KIRREL3: variants seen among roughly 807,000 people sequenced by gnomAD.
KIRREL3 encodes kin of IRRE-like protein 3.
A neutral mutation model predicts 89.7 loss-of-function variants in KIRREL3; 36 were observed. That is an observed-to-expected ratio of 0.40 (90% confidence interval 0.31 to 0.53). The LOEUF is 0.53. Among genes scored for constraint, KIRREL3 ranks in the 20% least tolerant of loss-of-function variants. The pLI is 0.49. For missense variants in KIRREL3, 864 were observed against 1,056.6 expected, an observed-to-expected ratio of 0.82 and a Z score of 2.53; for synonymous variants, 445 against 441.4, an observed-to-expected ratio of 1.01 and a Z score of -0.10.
rs769633889 is a variant in KIRREL3 at position 126,954,409 on chromosome 11, G to T, written c.55+46046C>A. 6.6e-6 allele frequency among the ~76,000 whole-genome samples: 1 copy of T among 151,970 alleles called. No homozygotes were observed. Among genetic ancestry groups the T allele is most frequent in the Non-Finnish European group, 1.5e-5 (1 of 68,018 alleles). On this transcript the variant is annotated intron_variant, in intron 1 of 16. Coordinates refer to ENST00000525144, the MANE Select transcript of KIRREL3 (RefSeq NM_032531.4). This position sits in a 1 kb window ranked among gnomAD's most constrained non-coding sequence, Gnocchi z 4.1. ...TTTATTGATTTACTTAATATTCATT[G>T]CTGATAACATGAAGGATCTGTAAAT... is the stretch of plus-strand genomic sequence containing the variant.
intron 1 of KIRREL3, among the ~76,000 whole-genome samples, chr11:126,701,638 C>T (rs1480817504): frequency 6.6e-6 from 1 of 151,960 alleles, no homozygotes; most frequent in Non-Finnish European, 1.5e-5. Context: ...GAGCAGAGGC[C>T]CACAGAGCTC....
chr11:126,644,113 G>A (rs149507834), intron 1 of KIRREL3, among the ~76,000 whole-genome samples: 5 of 152,182 alleles, frequency 3.3e-5, no homozygotes, highest in Non-Finnish European at 7.3e-5. Context: ...TGTGGGAAAG[G>A]ATGTCATTGA....
intron 4 of KIRREL3, among the ~76,000 whole-genome samples, chr11:126,482,228 G>A (rs543976211): frequency 2.6e-5 from 4 of 152,246 alleles, no homozygotes; most frequent in Admixed American, 2.0e-4. Context: ...TAGTAGAGAT[G>A]GAGTTTCACC....
upstream of KIRREL3, chr11:127,003,225 C>T (rs1950346057): frequency 6.6e-6 from 1 of 152,322 alleles, no homozygotes; most frequent in Admixed American, 6.5e-5. Flanking sequence ...CTTCAGCAGC[C>T]ACCACGTGGG....
At chr11:126,546,497 C>T (rs1344735320) in intron 2 of KIRREL3, among the ~76,000 whole-genome samples, 1 of 152,234 alleles carries the variant, frequency 6.6e-6, no homozygotes, top group East Asian at 1.9e-4. Flanking sequence ...CTGACCTCCC[C>T]AGCACAACCT....
rs1355092533 is a variant in KIRREL3, at chr11:126,981,610, C to A, written c.55+18845G>T. Among the ~76,000 whole-genome samples, 2 of 152,210 alleles carry A rather than the reference C, an allele frequency of 1.3e-5. No individual in the cohort carries two copies. Among genetic ancestry groups the A allele is most frequent in the African/African-American group, 4.8e-5 (2 of 41,446 alleles). On this transcript the variant is annotated intron_variant, in intron 1 of 16. Coordinates refer to ENST00000525144, the MANE Select transcript of KIRREL3 (RefSeq NM_032531.4). This position sits in a 1 kb window ranked among gnomAD's most constrained non-coding sequence, Gnocchi z 4.2. ...TTCTTAATCTGAGAAGACATCTTGC[C>A]TTTTATGGCACTGTTAAAACCACAC...
rs1340848904 is a variant in KIRREL3, at chr11:126,978,450, G to C, written c.55+22005C>G. Among the ~76,000 whole-genome samples the C allele has an allele frequency of 1.3e-5, 2 of 152,120 alleles. No homozygotes were observed. Among genetic ancestry groups the C allele is most frequent in the Non-Finnish European group, 2.9e-5 (2 of 68,024 alleles). On this transcript the variant is annotated intron_variant, in intron 1 of 16. Coordinates refer to ENST00000525144, the MANE Select transcript of KIRREL3 (RefSeq NM_032531.4). The surrounding 1 kb of genome is among the most constrained non-coding windows in gnomAD (Gnocchi z 4.2). The stretch of plus-strand genomic sequence containing the variant: ...ATTATGTCCTAAAGGAAAGTCCCCT[G>C]GTAACCTCAAACAGGTTGCTCCCTC...
intron 1 of KIRREL3, among the ~76,000 whole-genome samples, chr11:126,573,861 G>T (rs937181300): frequency 6.6e-6 from 1 of 152,134 alleles, no homozygotes; most frequent in South Asian, 2.1e-4. Flanking sequence ...TCCGCGGGGG[G>T]ACCTCTTGCT....
chr11:126,739,917 T>A lies in KIRREL3; in HGVS notation c.56-177005A>T, dbSNP rs1948923514. ...ACTTTGATCAGTTTGACGGGTTTAG[T>A]ATTATAGAAATATTTCATTGTTTCA... On this transcript the variant is annotated intron_variant, in intron 1 of 16. Transcript: ENST00000525144. The surrounding 1 kb of genome is among the most constrained non-coding windows in gnomAD (Gnocchi z 5.5). Among the ~76,000 whole-genome samples, 1 of 152,202 alleles carries A rather than the reference T, an allele frequency of 6.6e-6. No homozygotes were observed. Among genetic ancestry groups the A allele is most frequent in the African/African-American group, 2.4e-5 (1 of 41,434 alleles).
chr11:126,531,783 C>T lies in KIRREL3; in HGVS notation c.134-5096G>A, dbSNP rs999230394. 6.6e-6 allele frequency among the ~76,000 whole-genome samples: 1 copy of T among 152,162 alleles called. No homozygotes were observed. Among genetic ancestry groups the T allele is most frequent in the Non-Finnish European group, 1.5e-5 (1 of 68,042 alleles). ...ACAGAAATAAGGAAGAAACAGTGTA[C>T]ACTTCTTGAGGGCAGGGGCCACAGC... On this transcript the variant is annotated intron_variant, in intron 2 of 16. Transcript: ENST00000525144. This position sits in a 1 kb window ranked among gnomAD's most constrained non-coding sequence, Gnocchi z 4.7.
At position 126,643,996 on chromosome 11, in the gene KIRREL3, C is replaced by A. The variant is rs887882170; in HGVS notation, c.56-81084G>T. 2.6e-5 allele frequency among the ~76,000 whole-genome samples: 4 copies of A among 152,174 alleles called. No individual in the cohort carries two copies. Among genetic ancestry groups the A allele is most frequent in the Admixed American group, 6.5e-5 (1 of 15,284 alleles). ...GAGTTAGGGACCTTGTAGGAAACCA[C>A]GTGCAGATGCTCAGTCTAGCTGGAA... On this transcript the variant is annotated intron_variant, in intron 1 of 16. Coordinates refer to ENST00000525144, the MANE Select transcript of KIRREL3 (RefSeq NM_032531.4). The surrounding 1 kb of genome is among the most constrained non-coding windows in gnomAD (Gnocchi z 4.5).
chr11:126,449,632 A>AGC lies in KIRREL3; in HGVS notation c.849-477_849-476dup, dbSNP rs201697374. The stretch of plus-strand genomic sequence containing the variant: ...ACATGCATGCTCATACGTGTGCACG[A>AGC]GCACACACACACACACTGACAAGGC... On this transcript the variant is annotated intron_variant, in intron 7 of 16. Coordinates refer to ENST00000525144, the MANE Select transcript of KIRREL3 (RefSeq NM_032531.4). Among the ~76,000 whole-genome samples, 1,446 of 152,254 alleles carry AGC rather than the reference A, an allele frequency of 9.5e-3. 26 individuals carry two copies. The highest frequency in any genetic ancestry group is 0.031 in the African/African-American group (1,295 of 41,536).
chr11:126,842,506 C>G (rs547971751), intron 1 of KIRREL3, among the ~76,000 whole-genome samples: 1 of 152,270 alleles, frequency 6.6e-6, no homozygotes, highest in Non-Finnish European at 1.5e-5. Context: ...TATTGGGGTT[C>G]ATCCTCTTCT....
In KIRREL3 at chr11:126,903,567, G is replaced by T. The variant is rs1324637267; in HGVS notation, c.55+96888C>A. 2.0e-5 allele frequency among the ~76,000 whole-genome samples: 3 copies of T among 152,146 alleles called. No individual in the cohort carries two copies. The highest frequency in any genetic ancestry group is 2.9e-5 in the Non-Finnish European group (2 of 68,028). On this transcript the variant is annotated intron_variant, in intron 1 of 16. Coordinates refer to ENST00000525144, the MANE Select transcript of KIRREL3 (RefSeq NM_032531.4). The surrounding 1 kb of genome is among the most constrained non-coding windows in gnomAD (Gnocchi z 4.5). ...TATTATCACATTTCTGGCCTTGACT[G>T]CTGAGTTTATTACTACCCATAACCC... is the stretch of plus-strand genomic sequence containing the variant.
At chr11:126,875,675 A>G (rs1426390212) in intron 1 of KIRREL3, among the ~76,000 whole-genome samples, 1 of 152,248 alleles carries the variant, frequency 6.6e-6, no homozygotes, top group Non-Finnish European at 1.5e-5. Flanking sequence ...CAAGCATTCA[A>G]AGTGACAGTG....
intron 1 of KIRREL3, among the ~76,000 whole-genome samples, chr11:126,928,565 G>A (rs1364672111): frequency 2.0e-5 from 3 of 152,164 alleles, no homozygotes; most frequent in Non-Finnish European, 4.4e-5. Context: ...CTGGGACCCC[G>A]ACGTGGTGGC....
chr11:126,634,415 C>G (rs1382032195), intron 1 of KIRREL3, among the ~76,000 whole-genome samples: 1 of 152,156 alleles, frequency 6.6e-6, no homozygotes, highest in Non-Finnish European at 1.5e-5. Context: ...ATCACAATAC[C>G]ATAGTTTTCA....
rs1247379744 is a variant in KIRREL3, at chr11:126,796,374, G to A, written c.55+204081C>T. On this transcript the variant is annotated intron_variant, in intron 1 of 16. Transcript: ENST00000525144. This position sits in a 1 kb window ranked among gnomAD's most constrained non-coding sequence, Gnocchi z 5.1. The stretch of plus-strand genomic sequence containing the variant: ...GGGCTGGGGATTGTCTTGGATGGAA[G>A]GATCTCATTCTGCCCGTCCTGTCCC... Among the ~76,000 whole-genome samples the A allele has an allele frequency of 3.9e-5, 6 of 152,156 alleles. No individual in the cohort carries two copies. The highest frequency in any genetic ancestry group is 1.3e-4 in the Admixed American group (2 of 15,290).
chr11:126,579,731 G>A lies in KIRREL3; in HGVS notation c.56-16819C>T, dbSNP rs1941441997. The stretch of plus-strand genomic sequence containing the variant: ...CAGGTTACCACTGCTGGTAAGCAAT[G>A]TGCCCAACCACCCTCTCTGCTCTCA... On this transcript the variant is annotated intron_variant, in intron 1 of 16. Transcript: ENST00000525144. The surrounding 1 kb of genome is among the most constrained non-coding windows in gnomAD (Gnocchi z 5.3). 6.6e-6 allele frequency among the ~76,000 whole-genome samples: 1 copy of A among 152,064 alleles called. No homozygotes were observed. The highest frequency in any genetic ancestry group is 1.5e-5 in the Non-Finnish European group (1 of 68,030).
Sources: allele counts gnomAD v4.1 joint callset (sites outside exome capture counted in the v4.1 genomes callset), GRCh38; gene constraint gnomAD v4.1.1; non-coding constraint Gnocchi (gnomAD v3.1); transcripts MANE v1.5; gene names NCBI Gene and HGNC (gene_info 2026-07-23, HGNC 2026-07-21).